RHAG: variants seen among roughly 807,000 people sequenced by gnomAD.
RHAG encodes the protein ammonium transporter Rh type A.
RHAG carries 25 observed loss-of-function variants against 42.4 expected under a neutral mutation model. That is an observed-to-expected ratio of 0.59 (90% CI 0.43 to 0.82). RHAG has a LOEUF of 0.82. Among genes scored for constraint, RHAG ranks in the 40% least tolerant of loss-of-function variants. The pLI is 0.00. For missense variants in RHAG, 483 were observed against 504.6 expected (o/e 0.96, Z 0.41); for synonymous variants, 182 against 177.7 (o/e 1.02, Z -0.19).
intron 1 of RHAG, among the ~76,000 whole-genome samples, 194 bp downstream of exon 1, chr6:49,636,462 A>T (rs1763011211): frequency 6.6e-6 from 1 of 152,156 alleles, no homozygotes; most frequent in Non-Finnish European, 1.5e-5. Context: ...TTTAATAGGA[A>T]AAAGTTCCAA....
chr6:49,635,925 C>T (rs1763004002), intron 1 of RHAG, among the ~76,000 whole-genome samples: 1 of 152,004 alleles, frequency 6.6e-6, no homozygotes, highest in Non-Finnish European at 1.5e-5. Context: ...TACTGTCTTC[C>T]TTCCTGGCTA....
At chr6:49,622,840 T>TTG (rs1273001535) in intron 1 of RHAG, among the ~76,000 whole-genome samples, 3 of 147,856 alleles carry the variant, frequency 2.0e-5, no homozygotes, top group African/African-American at 7.5e-5. Context: ...CTTTTTTTTT[T>TTG]TTTGTTTTGT....
chr6:49,620,688 T>G (rs1382174784), intron 1 of RHAG, among the ~76,000 whole-genome samples: 1 of 152,096 alleles, frequency 6.6e-6, no homozygotes, highest in African/African-American at 2.4e-5. Flanking sequence ...CATGCCACCA[T>G]GCCCAGATAA....
intron 6 of RHAG, among the ~76,000 whole-genome samples, chr6:49,612,037 C>A (rs1762577483): frequency 6.6e-6 from 1 of 152,070 alleles, no homozygotes; most frequent in South Asian, 2.1e-4. Flanking sequence ...CTGTGAGCCA[C>A]CATGCTTGGC....
At chr6:49,618,525 A>T (rs576757765) in intron 2 of RHAG, among the ~76,000 whole-genome samples, 1 of 152,336 alleles carries the variant, frequency 6.6e-6, no homozygotes, top group South Asian at 2.1e-4. Context: ...AAACAATCTG[A>T]AAAATAACTA....
intron 7 of RHAG, among the ~76,000 whole-genome samples, chr6:49,608,818 G>T (rs577088390): frequency 6.6e-5 from 10 of 152,082 alleles, no homozygotes; most frequent in African/African-American, 2.4e-4. Flanking sequence ...CTGGTAGCTT[G>T]TTTTAATTTG....
rs190623866 is a variant in RHAG at position 49,622,368 on chromosome 6, C to T, written c.158-3006G>A. Among the ~76,000 whole-genome samples, 192 of 152,206 alleles carry T rather than the reference C, an allele frequency of 1.3e-3. No homozygotes were observed. The Middle Eastern group carries it at 0.014, about 11-fold the overall frequency. On this transcript the variant is annotated intron_variant, in intron 1 of 9. Coordinates refer to ENST00000371175, the MANE Select transcript of RHAG (RefSeq NM_000324.3). ...AGTAGCTGGGGTTACAGGTATGGGCCACCATGCCGGACTTGGTACTTTTAG... is the reference window on the plus strand; with the variant it reads ...AGTAGCTGGGGTTACAGGTATGGGCTACCATGCCGGACTTGGTACTTTTAG...
At chr6:49,629,910 G>T (rs2396913) in intron 1 of RHAG, among the ~76,000 whole-genome samples, 42,222 of 151,988 alleles carry the variant, frequency 0.28, 6,551 homozygotes, top group East Asian at 0.39. Flanking sequence ...ACGCAGCCCC[G>T]GTTCCCGCTC....
chr6:49,624,138 G>A (rs995857136), intron 1 of RHAG, among the ~76,000 whole-genome samples: 7 of 152,084 alleles, frequency 4.6e-5, no homozygotes, highest in South Asian at 2.1e-4. Flanking sequence ...TGTTCTTAGC[G>A]TTCCCATCCT....
chr6:49,607,241 G>GA (rs1351074579), intron 7 of RHAG, 21 bp from the exon 8 acceptor site: 2 of 1,603,006 alleles, frequency 1.2e-6, no homozygotes, highest in Non-Finnish European at 1.7e-6. Context: ...AAACAAAAAA[G>GA]AATCAGTGTC....
At chr6:49,614,590 G>C (rs1762621265) in intron 5 of RHAG, 97 bp downstream of exon 5, 3 of 992,848 alleles carry the variant, frequency 3.0e-6, no homozygotes, top group Non-Finnish European at 4.9e-6. Flanking sequence ...GATTTGTCTT[G>C]AGAGTTCAGC....
At chr6:49,619,055 C>A in intron 2 of RHAG, 124 bp downstream of exon 2, 1 of 1,032,352 alleles carries the variant, frequency 9.7e-7, no homozygotes, top group Admixed American at 2.0e-5. Flanking sequence ...CATAAACACT[C>A]TGCCTTCATG....
At chr6:49,618,595 G>T (rs1453350745) in intron 2 of RHAG, among the ~76,000 whole-genome samples, 1 of 152,144 alleles carries the variant, frequency 6.6e-6, no homozygotes, top group African/African-American at 2.4e-5. Context: ...ATGGAAGAGG[G>T]TTTCTCATAT....
chr6:49,635,473 A>T (rs552866998), intron 1 of RHAG, among the ~76,000 whole-genome samples: 1 of 152,256 alleles, frequency 6.6e-6, no homozygotes, highest in Non-Finnish European at 1.5e-5. Flanking sequence ...TACTAAATGA[A>T]TAAATGGATG....
chr6:49,635,808 G>A (rs760118682), intron 1 of RHAG, among the ~76,000 whole-genome samples: 1 of 152,070 alleles, frequency 6.6e-6, no homozygotes, highest in Non-Finnish European at 1.5e-5. Flanking sequence ...TTAGACATAT[G>A]CTATGAAGTA....
intron 1 of RHAG, among the ~76,000 whole-genome samples, chr6:49,622,215 G>GT (rs1562016809): frequency 1.3e-4 from 16 of 122,088 alleles, no homozygotes; most frequent in Admixed American, 1.1e-3. Flanking sequence ...AAGATCTGAT[G>GT]GTTTTTTTTT....
At chr6:49,635,542 C>T (rs1762997861) in intron 1 of RHAG, among the ~76,000 whole-genome samples, 1 of 152,058 alleles carries the variant, frequency 6.6e-6, no homozygotes, top group South Asian at 2.1e-4. Context: ...GTTTTATTCT[C>T]TAACTTGCAA....
At chr6:49,615,406 T>G (rs1762637845) in intron 4 of RHAG, 1 of 419,224 alleles carries the variant, frequency 2.4e-6, no homozygotes, top group Non-Finnish European at 4.2e-6. Context: ...ATTATTATTA[T>G]TTTTTAGAGA....
chr6:49,629,520 T>C (rs1449354421), intron 1 of RHAG, among the ~76,000 whole-genome samples: 2 of 152,172 alleles, frequency 1.3e-5, no homozygotes. Context: ...CAGGTGGAGC[T>C]GCCTGCCAGT....
Sources: allele counts gnomAD v4.1 joint callset (sites outside exome capture counted in the v4.1 genomes callset), GRCh38; gene constraint gnomAD v4.1.1; transcripts MANE v1.5; gene names NCBI Gene and HGNC (gene_info 2026-07-23, HGNC 2026-07-21).